SND1: variants seen among roughly 807,000 people sequenced by gnomAD.
SND1 encodes the protein staphylococcal nuclease domain-containing protein 1.
SND1 carries 38 observed loss-of-function variants against 121.7 expected under a neutral mutation model. That is an observed-to-expected ratio of 0.31 (90% CI 0.24 to 0.41). The LOEUF (loss-of-function observed/expected upper bound fraction) is 0.41. Ranked by LOEUF, SND1 falls within the 10% of genes least tolerant of loss-of-function variation. The pLI is 1.00. For missense variants in SND1, 868 were observed against 1,184.6 expected, an observed-to-expected ratio of 0.73 and a Z score of 3.92; for synonymous variants, 401 against 447.4, an observed-to-expected ratio of 0.90 and a Z score of 1.31.
At chr7:127,983,435 G>C (rs2116905123) in intron 15 of SND1, among the ~76,000 whole-genome samples, 1 of 152,250 alleles carries the variant, frequency 6.6e-6, no homozygotes, top group Admixed American at 6.5e-5. Flanking sequence ...CAGCATTCCT[G>C]CCTGGGGTCT....
chr7:127,958,977 G>A (rs958618318), intron 15 of SND1, among the ~76,000 whole-genome samples: 4 of 152,126 alleles, frequency 2.6e-5, no homozygotes, highest in Admixed American at 6.5e-5. Flanking sequence ...TGGTTCTAAG[G>A]CAGTGTTAAA....
At chr7:127,771,201 C>T (rs1382783102) in intron 10 of SND1, among the ~76,000 whole-genome samples, 1 of 152,196 alleles carries the variant, frequency 6.6e-6, no homozygotes, top group Non-Finnish European at 1.5e-5. Context: ...GCCTTCTGAT[C>T]ATTATTCACC....
At chr7:127,871,190 C>T (rs1243420523) in intron 12 of SND1, among the ~76,000 whole-genome samples, 1 of 152,000 alleles carries the variant, frequency 6.6e-6, no homozygotes, top group Non-Finnish European at 1.5e-5. Context: ...TTCTGGATAC[C>T]CCCTGAAGGA....
At chr7:127,900,394 C>T (rs1434053151) in intron 13 of SND1, among the ~76,000 whole-genome samples, 4 of 147,954 alleles carry the variant, frequency 2.7e-5, no homozygotes, top group Non-Finnish European at 1.5e-5. Flanking sequence ...GCTCAGACAT[C>T]CAGCTTGGAG....
intron 12 of SND1, among the ~76,000 whole-genome samples, chr7:127,866,159 G>T (rs1799471161): frequency 6.6e-6 from 1 of 152,022 alleles, no homozygotes; most frequent in South Asian, 2.1e-4. Flanking sequence ...TTTCATATCG[G>T]CCAGACATAC....
intron 15 of SND1, among the ~76,000 whole-genome samples, chr7:127,974,996 G>A (rs1802080828): frequency 6.6e-6 from 1 of 152,186 alleles, no homozygotes; most frequent in African/African-American, 2.4e-5. Flanking sequence ...AGAGTGTCCA[G>A]GCACTTTGTG....
rs138603774 is a variant in SND1 at position 127,693,754 on chromosome 7, G to A, written c.229-1074G>A. Among the ~76,000 whole-genome samples, 60 of 152,146 alleles carry A rather than the reference G, an allele frequency of 3.9e-4. 1 individual carries two copies. Among genetic ancestry groups the A allele is most frequent in the Non-Finnish European group, 7.4e-4 (50 of 67,996 alleles). On this transcript the variant is annotated intron_variant, in intron 2 of 23. Coordinates refer to ENST00000354725, the MANE Select transcript of SND1 (RefSeq NM_014390.4). ...TTATACTTCACATTTTTTTCAGCAT[G>A]TGAGCTCCTACTAATCATACGCTCC...
intron 12 of SND1, among the ~76,000 whole-genome samples, chr7:127,873,962 C>G (rs767642719): frequency 4.5e-4 from 69 of 152,164 alleles, no homozygotes; most frequent in Admixed American, 1.3e-4. Context: ...ACTGGAGCAT[C>G]AGGCTTGGAA....
chr7:127,997,744 C>T (rs1204942400), intron 16 of SND1: 1 of 534,674 alleles, frequency 1.9e-6, no homozygotes, highest in African/African-American at 1.9e-5. Flanking sequence ...TCAGAATGGA[C>T]CTGTTATACT....
intron 11 of SND1, among the ~76,000 whole-genome samples, chr7:127,820,394 C>A (rs995049942): frequency 1.3e-5 from 2 of 152,092 alleles, no homozygotes; most frequent in African/African-American, 4.8e-5. Context: ...TGCTTGCTGT[C>A]GGCAGTTTGG....
chr7:127,654,287 TG>T (rs1157528968), intron 1 of SND1, among the ~76,000 whole-genome samples: 1 of 152,382 alleles, frequency 6.6e-6, no homozygotes, highest in East Asian at 1.9e-4. Context: ...TTGTCTCATT[TG>T]TAATACCTAA....
At chr7:127,774,455 T>C (rs564563982) in intron 10 of SND1, among the ~76,000 whole-genome samples, 1 of 152,374 alleles carries the variant, frequency 6.6e-6, no homozygotes, top group East Asian at 1.9e-4. Context: ...CAGTAATGTC[T>C]TAGGCCTTCA....
At chr7:127,950,209 C>T (rs1017449183) in intron 15 of SND1, among the ~76,000 whole-genome samples, 1 of 152,142 alleles carries the variant, frequency 6.6e-6, no homozygotes, top group African/African-American at 2.4e-5. Flanking sequence ...CCTAGACTTC[C>T]CTCCCCCTTT....
chr7:128,042,810 C>A (rs1012453848), intron 16 of SND1, among the ~76,000 whole-genome samples: 1 of 152,246 alleles, frequency 6.6e-6, no homozygotes, highest in Non-Finnish European at 1.5e-5. Context: ...AGCACCACCA[C>A]CAACCCTGTC....
At chr7:127,663,570 G>T (rs1795357218) in intron 1 of SND1, among the ~76,000 whole-genome samples, 2 of 152,014 alleles carry the variant, frequency 1.3e-5, no homozygotes, top group Non-Finnish European at 2.9e-5. Context: ...TAGAGATGGG[G>T]TTTCACCGTG....
At chr7:127,883,445 T>C (rs1375759531) in intron 12 of SND1, among the ~76,000 whole-genome samples, 1 of 152,178 alleles carries the variant, frequency 6.6e-6, no homozygotes. Flanking sequence ...CTTCACAATG[T>C]GTGTTTGTGT....
chr7:127,984,632 G>A (rs1227184300), intron 15 of SND1, among the ~76,000 whole-genome samples: 2 of 152,238 alleles, frequency 1.3e-5, no homozygotes, highest in Admixed American at 6.5e-5. Flanking sequence ...AGTATGTTAA[G>A]TGCTGGAAAG....
At chr7:127,953,929 T>C (rs1266498568) in intron 15 of SND1, among the ~76,000 whole-genome samples, 1 of 152,244 alleles carries the variant, frequency 6.6e-6, no homozygotes, top group African/African-American at 2.4e-5. Flanking sequence ...TACTTATTTT[T>C]TAATTTGATC....
chr7:128,023,661 C>G (rs961836170), intron 16 of SND1, among the ~76,000 whole-genome samples: 1 of 152,162 alleles, frequency 6.6e-6, no homozygotes, highest in African/African-American at 2.4e-5. Context: ...ATACTATTGT[C>G]TCTGACTTCT....
Sources: gnomAD v4.1 joint callset for allele counts (sites outside exome capture counted in the v4.1 genomes callset) on GRCh38, gnomAD v4.1.1 for gene constraint, MANE v1.5 for transcripts, NCBI Gene and HGNC (gene_info 2026-07-23, HGNC 2026-07-21) for gene names.